Variants in AHDC1 observed in about 807,000 individuals in gnomAD.
The protein encoded by AHDC1 is transcription factor Gibbin.
AHDC1 carries 7 observed loss-of-function variants against 87.9 expected under a neutral mutation model. The observed-to-expected ratio is 0.08, with a 90% CI of 0.05 to 0.15. AHDC1 has a LOEUF of 0.15. Ranked by LOEUF, AHDC1 falls within the 10% of genes least tolerant of loss-of-function variation. AHDC1 has a pLI of 1.00. For missense variants in AHDC1, 1,841 were observed against 2,253.2 expected, an observed-to-expected ratio of 0.82 and a Z score of 3.70; for synonymous variants, 1,051 against 1,006.8, an observed-to-expected ratio of 1.04 and a Z score of -0.83.
intron 8 of AHDC1, among the ~76,000 whole-genome samples, chr1:27,541,358 G>A (rs182980771): frequency 1.1e-4 from 17 of 151,722 alleles, no homozygotes; most frequent in African/African-American, 4.1e-4. Flanking sequence ...TTGCTCTGTC[G>A]CCCAGGCTGG....
rs1289047640 is a variant in AHDC1 at position 27,562,381 on chromosome 1, AATC to A, written c.-628-3501_-628-3499del. On this transcript the variant is annotated intron_variant, in intron 3 of 8. Coordinates refer to ENST00000673934, the MANE Select transcript of AHDC1 (RefSeq NM_001371928.1). This position sits in a 1 kb window ranked among gnomAD's most constrained non-coding sequence, Gnocchi z 4.4. ...CGGCCCGCGCAGAGCTGCCCCGATT[AATC>A]CTGTGGCTCCAGAGCCTTAATTAGT... is the stretch of plus-strand genomic sequence containing the variant. Among the ~76,000 whole-genome samples the A allele has an allele frequency of 1.3e-5, 2 of 152,018 alleles. No individual in the cohort carries two copies. The highest frequency in any genetic ancestry group is 4.8e-5 in the African/African-American group (2 of 41,362).
intron 3 of AHDC1, among the ~76,000 whole-genome samples, chr1:27,567,711 C>T (rs1291498599): frequency 6.6e-6 from 1 of 152,214 alleles, no homozygotes; most frequent in East Asian, 1.9e-4. Context: ...CACAAGCACC[C>T]CCAAATCACT....
intron 3 of AHDC1, among the ~76,000 whole-genome samples, chr1:27,569,109 C>G (rs1429752647): frequency 2.0e-5 from 3 of 151,392 alleles, no homozygotes; most frequent in African/African-American, 7.3e-5. Context: ...TACTACCCCC[C>G]ATCGCCCAGT....
Position 27,534,873 on chromosome 1 carries a change from C to G in AHDC1, c.*87G>C, listed in dbSNP as rs1031554833. On this transcript the variant is annotated 3_prime_UTR_variant, in exon 9 of 9. Transcript: ENST00000673934. Reference sequence around the variant, plus strand: ...AGGGGCAGGAGCTCCTGCCAGAGGACGATGTGGACGCTGGGAGGGATCTTG... The same window carrying G: ...AGGGGCAGGAGCTCCTGCCAGAGGAGGATGTGGACGCTGGGAGGGATCTTG... 1 of 151,796 alleles carries G rather than the reference C, an allele frequency of 6.6e-6. No homozygotes were observed. The highest frequency in any genetic ancestry group is 1.5e-5 in the Non-Finnish European group (1 of 67,974). The allele number at this position is 151,796 out of a possible 1,614,324, so 9.4% of individuals were successfully genotyped here.
chr1:27,568,185 G>T (rs779889956), intron 3 of AHDC1: 3 of 152,346 alleles, frequency 2.0e-5, no homozygotes, highest in Non-Finnish European at 4.4e-5. Context: ...CCATTCCATG[G>T]AGCAGTGTGG....
upstream of AHDC1, chr1:27,604,171 A>G: frequency 6.6e-6 from 1 of 152,510 alleles, no homozygotes; most frequent in Non-Finnish European, 1.5e-5. Flanking sequence ...TTCGCCGCTC[A>G]CCATCCGGAA....
rs762961815 is a variant in AHDC1, at chr1:27,547,623, G to A, written c.4493C>T (p.Ala1498Val). Reference protein sequence around the residue: ...LADFLGRTEAACLSAPHLASP... With the variant: ...LADFLGRTEAVCLSAPHLASP... Reference sequence around the variant, plus strand: ...AGCCAGGTGAGGGGCACTGAGGCACGCGGCCTCCGTCCTGCCCAGGAAGTC... The same window carrying A: ...AGCCAGGTGAGGGGCACTGAGGCACACGGCCTCCGTCCTGCCCAGGAAGTC... Residue 1498 changes from alanine (A) to valine (V), a missense_variant, in exon 8 of 9, where the codon GCG (alanine) becomes GTG (valine). By Grantham distance (64) the Ala-to-Val change is moderately conservative. Coordinates refer to ENST00000673934, the MANE Select transcript of AHDC1 (RefSeq NM_001371928.1). This position sits in a 1 kb window ranked among gnomAD's most constrained non-coding sequence, Gnocchi z 4.9. 1.2e-5 allele frequency: 20 copies of A among 1,600,494 alleles called. No individual in the cohort carries two copies. Among genetic ancestry groups the A allele is most frequent in the Admixed American group, 6.9e-5 (4 of 57,862 alleles).
rs1016163234 is a variant in AHDC1, at chr1:27,558,019, C to T, written c.-225+286G>A. On this transcript the variant is annotated intron_variant, in intron 5 of 8. Coordinates refer to ENST00000673934, the MANE Select transcript of AHDC1 (RefSeq NM_001371928.1). This position sits in a 1 kb window ranked among gnomAD's most constrained non-coding sequence, Gnocchi z 5.6. Reference sequence around the variant, plus strand: ...CCACCCTTACAATCCCAGGAGACTCCACCCCCAGACCTCAGGCCCCAGGAA... The same window carrying T: ...CCACCCTTACAATCCCAGGAGACTCTACCCCCAGACCTCAGGCCCCAGGAA... 4.6e-5 allele frequency among the ~76,000 whole-genome samples: 7 copies of T among 152,218 alleles called. No individual in the cohort carries two copies. The highest frequency in any genetic ancestry group is 8.8e-5 in the Non-Finnish European group (6 of 68,036).
intron 3 of AHDC1, among the ~76,000 whole-genome samples, chr1:27,601,045 CAAT>C (rs2148505585): frequency 6.6e-6 from 1 of 152,322 alleles, no homozygotes; most frequent in South Asian, 2.1e-4. Context: ...AGCCCAGCAA[CAAT>C]AATAAACAGC....
intron 3 of AHDC1, among the ~76,000 whole-genome samples, chr1:27,566,847 G>GC (rs925569856): frequency 5.4e-5 from 7 of 129,392 alleles, no homozygotes; most frequent in African/African-American, 2.1e-4. Context: ...TGTCGAGGGA[G>GC]GGGGGCCTGT....
At chr1:27,546,464 C>T (rs982555846) in intron 8 of AHDC1, among the ~76,000 whole-genome samples, 6 of 152,186 alleles carry the variant, frequency 3.9e-5, no homozygotes, top group Non-Finnish European at 7.3e-5. Context: ...AAGTCTTTGG[C>T]TTCAGGAAAG....
chr1:27,536,129 C>T (rs938624800), intron 8 of AHDC1, among the ~76,000 whole-genome samples: 5 of 151,906 alleles, frequency 3.3e-5, no homozygotes, highest in South Asian at 2.1e-4. Flanking sequence ...AATCAGGCGG[C>T]GGCAGAAAGC....
Position 27,547,352 on chromosome 1 carries a change from G to A in AHDC1, c.4764C>T (p.Pro1588=). The A allele has an allele frequency of 6.4e-7, 1 of 1,555,036 alleles. No homozygotes were observed. Among genetic ancestry groups the A allele is most frequent in the Non-Finnish European group, 8.7e-7 (1 of 1,152,610 alleles). ...TGTCCTCGGGGTGAGGTTCCGCCAT[G>A]GGCCCCAGGAAGCCGCTCTTGGGGC... is the stretch of plus-strand genomic sequence containing the variant. ...GGGPKSGFLG[P]MAEPHPEDTF... The change falls in exon 8 of 9, where the codon CCC becomes CCT. Residue 1588 remains proline, a synonymous_variant. Coordinates refer to ENST00000673934, the MANE Select transcript of AHDC1 (RefSeq NM_001371928.1). This position sits in a 1 kb window ranked among gnomAD's most constrained non-coding sequence, Gnocchi z 4.9.
In AHDC1 at chr1:27,590,897, C is replaced by CGTTGGATG; in HGVS notation, c.-629+12499_-629+12500insCATCCAAC. Among the ~76,000 whole-genome samples the CGTTGGATG allele has an allele frequency of 6.6e-6, 1 of 152,196 alleles. No individual in the cohort carries two copies. ...CAGGCAGGTGGGCTCCCTCAACCCC[C>CGTTGGATG]AGCACCTTGGATGAGCAGTTGGAGA... On this transcript the variant is annotated intron_variant, in intron 3 of 8. Coordinates refer to ENST00000673934, the MANE Select transcript of AHDC1 (RefSeq NM_001371928.1). This position sits in a 1 kb window ranked among gnomAD's most constrained non-coding sequence, Gnocchi z 5.4.
At chr1:27,578,070 C>A (rs931700790) in intron 3 of AHDC1, among the ~76,000 whole-genome samples, 5 of 152,190 alleles carry the variant, frequency 3.3e-5, no homozygotes, top group African/African-American at 1.2e-4. Context: ...CTCCTCTGGA[C>A]CCTGGTCCCA....
intron 8 of AHDC1, among the ~76,000 whole-genome samples, chr1:27,541,001 T>TAAAAAAG (rs2018880216): frequency 1.4e-5 from 1 of 72,368 alleles, no homozygotes; most frequent in Non-Finnish European, 2.4e-5. Flanking sequence ...CTAAAAATGC[T>TAAAAAAG]AAAAAAAAAA....
At chr1:27,584,204 C>T (rs898686848) in intron 3 of AHDC1, among the ~76,000 whole-genome samples, 2 of 152,212 alleles carry the variant, frequency 1.3e-5, no homozygotes, top group African/African-American at 4.8e-5. Context: ...ACTCCAAAGT[C>T]GGGACGCTCA....
rs78389838 is a variant in AHDC1 at position 27,544,743 on chromosome 1, G to C, written c.*43+2518C>G. Among the ~76,000 whole-genome samples the C allele has an allele frequency of 4.3e-3, 661 of 152,310 alleles. 2 individuals are homozygous for C. The highest frequency in any genetic ancestry group is 0.017 in the Middle Eastern group (5 of 294). ...GAGCCTGTGGGTCATCTTAGATAGA[G>C]AGAGGGGGCAGCCGTCCCACCACCT... On this transcript the variant is annotated intron_variant, in intron 8 of 8. Transcript: ENST00000673934.
intron 8 of AHDC1, among the ~76,000 whole-genome samples, chr1:27,545,872 C>T (rs2019141435): frequency 6.6e-6 from 1 of 152,166 alleles, no homozygotes; most frequent in Non-Finnish European, 1.5e-5. Flanking sequence ...AAAGCTTGGT[C>T]AAGGGCATGT....
Sources: gnomAD v4.1 joint callset for allele counts (sites outside exome capture counted in the v4.1 genomes callset) on GRCh38, gnomAD v4.1.1 for gene constraint, Gnocchi (gnomAD v3.1) non-coding constraint, MANE v1.5 for transcripts, NCBI Gene and HGNC (gene_info 2026-07-23, HGNC 2026-07-21) for gene names.